Variants in FANCC observed in about 807,000 individuals in gnomAD.
FANCC encodes the protein Fanconi anemia group C protein.
Under a neutral mutation model 71.3 loss-of-function variants are expected in FANCC, and 55 were observed. The ratio of observed to expected loss-of-function variants is 0.77; its 90% confidence interval spans 0.62 to 0.97. FANCC has a LOEUF of 0.97. FANCC is among the 50% of genes least tolerant of loss of function. The pLI, the probability that FANCC is intolerant of heterozygous loss-of-function variation, is 0.00. For synonymous variants in FANCC, 275 were observed against 244.9 expected (o/e 1.12, Z -1.15); for missense variants, 678 against 670.9 (o/e 1.01, Z -0.12).
chr9:95,269,268 T>C (rs769214216), intron 1 of FANCC, among the ~76,000 whole-genome samples: 3 of 152,212 alleles, frequency 2.0e-5, no homozygotes, highest in Non-Finnish European at 4.4e-5. Context: ...AGGGGAGCAG[T>C]AGTCCTAAAG....
At chr9:95,158,202 C>T (rs549519149) in intron 6 of FANCC, among the ~76,000 whole-genome samples, 1 of 152,320 alleles carries the variant, frequency 6.6e-6, no homozygotes, top group African/African-American at 2.4e-5. Context: ...CCTTCACACA[C>T]ACCCCCACAT....
At chr9:95,173,682 G>A (rs947641376) in intron 4 of FANCC, among the ~76,000 whole-genome samples, 1 of 152,090 alleles carries the variant, frequency 6.6e-6, no homozygotes, top group Non-Finnish European at 1.5e-5. Context: ...TTGGAAGGCC[G>A]AGACGGGCAG....
chr9:95,137,991 G>T (rs1416203386), intron 7 of FANCC, among the ~76,000 whole-genome samples: 1 of 152,270 alleles, frequency 6.6e-6, no homozygotes, highest in Non-Finnish European at 1.5e-5. Flanking sequence ...GCGGCCCAGA[G>T]GTGGGGCCTA....
intron 4 of FANCC, among the ~76,000 whole-genome samples, chr9:95,208,718 A>G (rs749943570): frequency 6.6e-6 from 1 of 152,172 alleles, no homozygotes; most frequent in East Asian, 1.9e-4. Flanking sequence ...AAATGGCCCA[A>G]ATCCAGAACC....
chr9:95,299,873 A>G (rs1236088207), intron 1 of FANCC, among the ~76,000 whole-genome samples: 11 of 151,468 alleles, frequency 7.3e-5, no homozygotes, highest in South Asian at 2.1e-4. Flanking sequence ...ATGCATGCGC[A>G]CACACACACA....
At chr9:95,166,414 A>G (rs1223759072) in intron 6 of FANCC, among the ~76,000 whole-genome samples, 3 of 152,006 alleles carry the variant, frequency 2.0e-5, no homozygotes, top group Non-Finnish European at 4.4e-5. Context: ...TACCATGGGC[A>G]TTACATTAAA....
chr9:95,196,955 G>C (rs1827495188), intron 4 of FANCC, among the ~76,000 whole-genome samples: 1 of 152,144 alleles, frequency 6.6e-6, no homozygotes, highest in Non-Finnish European at 1.5e-5. Context: ...CCTGGACTCT[G>C]ACTGAGAACA....
chr9:95,309,355 T>C (rs1835250552), intron 1 of FANCC, among the ~76,000 whole-genome samples: 1 of 152,216 alleles, frequency 6.6e-6, no homozygotes, highest in South Asian at 2.1e-4. Flanking sequence ...TTACGGCCTA[T>C]GATTGGAAAT....
chr9:95,150,931 T>C (rs1830136008), intron 6 of FANCC, among the ~76,000 whole-genome samples: 2 of 152,236 alleles, frequency 1.3e-5, no homozygotes, highest in East Asian at 3.8e-4. Flanking sequence ...GTCTACCATG[T>C]GTGGCAATTT....
In FANCC at chr9:95,134,160, A is replaced by G. The variant is rs147503947; in HGVS notation, c.843+1186T>C. ...CTATGCACATCGCCCTGGGAGGCCA[A>G]GGGGAAGGGTGAAAGGGGCCATGAA... On this transcript the variant is annotated intron_variant, in intron 8 of 14. Coordinates refer to ENST00000289081, the MANE Select transcript of FANCC (RefSeq NM_000136.3). Among the ~76,000 whole-genome samples, 464 of 152,300 alleles carry G rather than the reference A, an allele frequency of 3.0e-3. 1 individual carries two copies. The Middle Eastern group carries it at 0.031, about 10-fold the overall frequency.
At chr9:95,264,680 G>A (rs929941878) in intron 1 of FANCC, among the ~76,000 whole-genome samples, 2 of 152,160 alleles carry the variant, frequency 1.3e-5, no homozygotes, top group South Asian at 2.1e-4. Context: ...GATGTATGGA[G>A]AGAATGCTAC....
In FANCC at chr9:95,099,905, G is replaced by T. The variant is rs911460029; in HGVS notation, c.*1802C>A. The T allele has an allele frequency of 8.6e-6, 2 of 233,130 alleles. No individual in the cohort carries two copies. The highest frequency in any genetic ancestry group is 1.7e-5 in the Non-Finnish European group (2 of 118,112). The allele number at this position is 233,130 out of a possible 1,614,324, so 14.4% of individuals were successfully genotyped here. Reference sequence around the variant, plus strand: ...GGGCATGGGCAGAGGCCTGGCAGGGGAGGAGGAAGAGGCCAACCCTGTACA... The same window carrying T: ...GGGCATGGGCAGAGGCCTGGCAGGGTAGGAGGAAGAGGCCAACCCTGTACA... On this transcript the variant is annotated 3_prime_UTR_variant, in exon 15 of 15. Transcript: ENST00000289081.
chr9:95,201,522 G>C (rs545269351), intron 4 of FANCC, among the ~76,000 whole-genome samples: 4 of 151,966 alleles, frequency 2.6e-5, no homozygotes, highest in Non-Finnish European at 5.9e-5. Context: ...GTAATCACAA[G>C]TCAAGTCTGG....
In FANCC at chr9:95,114,700, C is replaced by T; in HGVS notation, c.1083G>A (p.Arg361=). ...GCTTCAGTGTCTGGAGCCAGTGTCC[C>T]CGAGGGATATCTGCGGGTGGAGAGA... ...VLLQDPQDIP[R]GHWLQTLKHI... is the part of the protein sequence containing the mutation. The change falls in exon 12 of 15, where the codon CGG becomes CGA. Residue 361 remains arginine, a synonymous_variant. Transcript: ENST00000289081. The T allele has an allele frequency of 1.2e-6, 2 of 1,614,098 alleles. No individual in the cohort carries two copies. Among genetic ancestry groups the T allele is most frequent in the Non-Finnish European group, 1.7e-6 (2 of 1,179,992 alleles).
intron 10 of FANCC, chr9:95,123,828 C>T (rs190632122): frequency 3.0e-5 from 20 of 664,980 alleles, no homozygotes; most frequent in Non-Finnish European, 4.8e-5. Flanking sequence ...CAATTTAGAC[C>T]TGCGGATGCT....
intron 6 of FANCC, among the ~76,000 whole-genome samples, chr9:95,156,706 A>T (rs1487467610): frequency 1.3e-5 from 2 of 152,150 alleles, no homozygotes; most frequent in Non-Finnish European, 2.9e-5. Flanking sequence ...CCAGTGAATT[A>T]TAAATTCTGC....
intron 1 of FANCC, among the ~76,000 whole-genome samples, chr9:95,265,717 T>C (rs1450113165): frequency 6.6e-6 from 1 of 152,210 alleles, no homozygotes; most frequent in Non-Finnish European, 1.5e-5. Flanking sequence ...TATTTCTGCC[T>C]CTTTCTCTCC....
chr9:95,261,526 T>C (rs1832045674), intron 1 of FANCC, among the ~76,000 whole-genome samples: 1 of 152,174 alleles, frequency 6.6e-6, no homozygotes, highest in African/African-American at 2.4e-5. Flanking sequence ...CATATACTAA[T>C]GCAGCAAAAG....
chr9:95,208,413 C>T (rs1828282056), intron 4 of FANCC, among the ~76,000 whole-genome samples: 1 of 151,936 alleles, frequency 6.6e-6, no homozygotes, highest in Non-Finnish European at 1.5e-5. Context: ...AACCTTTTAA[C>T]AGAAAAGTCA....
Sources: allele counts gnomAD v4.1 joint callset (sites outside exome capture counted in the v4.1 genomes callset), GRCh38; gene constraint gnomAD v4.1.1; transcripts MANE v1.5; gene names NCBI Gene and HGNC (gene_info 2026-07-23, HGNC 2026-07-21).